Variants in DNAJA4 observed in about 807,000 individuals in gnomAD.
DNAJA4 encodes DnaJ heat shock protein family (Hsp40) member A4.
In DNAJA4, 32 loss-of-function variants were observed where a neutral mutation model predicts 39.7. The observed-to-expected ratio is 0.81, with a 90% CI of 0.61 to 1.08. DNAJA4 has a LOEUF of 1.08. DNAJA4 is among the 50% of genes least tolerant of loss of function. The pLI is 0.00. For missense variants in DNAJA4, 439 were observed against 505.1 expected, an observed-to-expected ratio of 0.87 and a Z score of 1.25; for synonymous variants, 184 against 182.4, an observed-to-expected ratio of 1.01 and a Z score of -0.07.
At position 78,269,759 on chromosome 15, in the gene DNAJA4, G is replaced by GT. The variant is rs1408771384; in HGVS notation, c.133-731dup. Among the ~76,000 whole-genome samples the GT allele has an allele frequency of 1.2e-4, 18 of 150,562 alleles. No individual in the cohort carries two copies. In the East Asian group the frequency reaches 3.3e-3, roughly 28 times the overall value. On this transcript the variant is annotated intron_variant, in intron 1 of 6. Coordinates refer to ENST00000394852, the MANE Select transcript of DNAJA4 (RefSeq NM_001130182.2). ...TGATCCAGGATCACACATTGTATTC[G>GT]TTTTTTTCTATCTTTTAATTTTAGA...
In DNAJA4 at chr15:78,273,173, A is replaced by G; in HGVS notation, c.392A>G (p.Lys131Arg). The G allele has an allele frequency of 1.2e-6, 2 of 1,601,154 alleles. No homozygotes were observed. Among genetic ancestry groups the G allele is most frequent in the Non-Finnish European group, 1.7e-6 (2 of 1,167,984 alleles). Residue 131 changes from lysine to arginine, a missense_variant, in exon 3 of 7, where the codon AAA becomes AGA. Coordinates refer to ENST00000394852, the MANE Select transcript of DNAJA4 (RefSeq NM_001130182.2). ...NGVTKKLALQ[K>R]NVICEKCEGV... ...GTCACGAAGAAATTGGCCCTCCAGA[A>G]AAATGTAATTTGTGAGAAATGTGAA...
rs567801455 is a variant in DNAJA4, at chr15:78,264,586, G to A, written c.-178G>A. 6 of 1,187,918 alleles carry A rather than the reference G, an allele frequency of 5.1e-6. No individual in the cohort carries two copies. The highest frequency in any genetic ancestry group is 4.8e-5 in the African/African-American group (3 of 62,608). The allele number at this position is 1,187,918 out of a possible 1,614,324, so 73.6% of individuals were successfully genotyped here. On this transcript the variant is annotated 5_prime_UTR_variant, in exon 1 of 7. Transcript: ENST00000394852. ...TAGTGCGGTGGAGCCAGGCGTGGAA[G>A]TCGGTCCGGCGCGGGGCGGGGGGCG...
chr15:78,266,005 T>G (rs1419844702), intron 1 of DNAJA4: 4 of 589,418 alleles, frequency 6.8e-6, no homozygotes, highest in Non-Finnish European at 1.2e-5. Flanking sequence ...ATGTGCTGAA[T>G]GTGGCTGTCA....
At chr15:78,272,700 T>C (rs1413349634) in intron 2 of DNAJA4, among the ~76,000 whole-genome samples, 1 of 152,252 alleles carries the variant, frequency 6.6e-6, no homozygotes, top group Non-Finnish European at 1.5e-5. Flanking sequence ...CCAGAGACTT[T>C]GGCTGCCAAA....
intron 1 of DNAJA4, among the ~76,000 whole-genome samples, chr15:78,269,769 A>G (rs1040761584): frequency 6.7e-6 from 1 of 148,354 alleles, no homozygotes; most frequent in African/African-American, 2.5e-5. Flanking sequence ...GTTTTTTTCT[A>G]TCTTTTAATT....
chr15:78,270,947 C>T (rs1250587955), intron 2 of DNAJA4, among the ~76,000 whole-genome samples: 1 of 152,116 alleles, frequency 6.6e-6, no homozygotes, highest in Admixed American at 6.5e-5. Context: ...TGCCTGTAGT[C>T]TCCGCTACTT....
chr15:78,279,620 G>A lies in DNAJA4; in HGVS notation c.878-425G>A, dbSNP rs925353506. 1 of 177,040 alleles carries A rather than the reference G, an allele frequency of 5.6e-6. No homozygotes were observed. The highest frequency in any genetic ancestry group is 2.4e-5 in the African/African-American group (1 of 42,200). 11.0% of individuals were successfully genotyped at this position (177,040 alleles called of 1,614,324 possible). A position where few individuals can be genotyped will look rare whatever the true frequency, so the allele number is the denominator to read the frequency against. On this transcript the variant is annotated intron_variant, in intron 5 of 6. Transcript: ENST00000394852. The surrounding 1 kb of genome is among the most constrained non-coding windows in gnomAD (Gnocchi z 4.5). The stretch of plus-strand genomic sequence containing the variant: ...CAGTTTTTATGCCAGGCAGGGGACT[G>A]GTTGGACTCTATTGAGGCTTCTTCC...
chr15:78,280,038 C>G lies in DNAJA4; in HGVS notation c.878-7C>G. On this transcript the variant is annotated splice_region_variant and splice_polypyrimidine_tract_variant and intron_variant, in intron 5 of 6. Transcript: ENST00000394852. ...TCCTCCTTCCTAATTGACCCTTTCT[C>G]TGGCAGGTGAGGTGATAAAGCACGG... 6.2e-7 allele frequency: 1 copy of G among 1,614,012 alleles called. No homozygotes were observed. Among genetic ancestry groups the G allele is most frequent in the Non-Finnish European group, 8.5e-7 (1 of 1,179,922 alleles).
chr15:78,265,028 C>A, intron 1 of DNAJA4, 133 bp downstream of exon 1: 1 of 1,139,550 alleles, frequency 8.8e-7, no homozygotes, highest in Non-Finnish European at 1.2e-6. Context: ...GGGGCCAGGC[C>A]GGGCAGAGGT....
At position 78,273,025 on chromosome 15, in the gene DNAJA4, C is replaced by T. The variant is rs574904995; in HGVS notation, c.314-70C>T. The T allele has an allele frequency of 1.3e-5, 12 of 891,740 alleles. No individual in the cohort carries two copies. The East Asian group carries it at 1.5e-4, about 11-fold the overall frequency. The allele number at this position is 891,740 out of a possible 1,614,324, so 55.2% of individuals were successfully genotyped here. ...CTGGAGACTTCATACAACTAAGGGTCATATGGGTGGTATTTAATACAATGG... is the reference window on the plus strand; with the variant it reads ...CTGGAGACTTCATACAACTAAGGGTTATATGGGTGGTATTTAATACAATGG... On this transcript the variant is annotated intron_variant, in intron 2 of 6. Transcript: ENST00000394852.
upstream of DNAJA4, chr15:78,264,473 A>G (rs1053555360): frequency 6.0e-6 from 8 of 1,323,080 alleles, no homozygotes; most frequent in African/African-American, 1.2e-4. Context: ...ACCTCCGCGA[A>G]GGTTCTAGGC....
At chr15:78,265,655 A>G (rs1266163192) in intron 1 of DNAJA4, 1 of 702,382 alleles carries the variant, frequency 1.4e-6, no homozygotes, top group Non-Finnish European at 2.6e-6. Flanking sequence ...TTTTATCTCT[A>G]AAGAGGCTCA....
intron 2 of DNAJA4, among the ~76,000 whole-genome samples, chr15:78,272,185 A>C (rs547882153): frequency 3.7e-4 from 57 of 152,112 alleles, no homozygotes; most frequent in African/African-American, 1.3e-3. Context: ...AAAATACAAA[A>C]ACTTAGGTGG....
chr15:78,280,164 A>AT lies in DNAJA4; in HGVS notation c.978+21dup, dbSNP rs745622164. 3.1e-6 allele frequency: 5 copies of AT among 1,612,642 alleles called. No individual in the cohort carries two copies. The South Asian group carries it at 4.4e-5, about 14-fold the overall frequency. On this transcript the variant is annotated intron_variant, in intron 6 of 6. Coordinates refer to ENST00000394852, the MANE Select transcript of DNAJA4 (RefSeq NM_001130182.2). ...GTTTTTAGTAAGTTCACTATGTTTC[A>AT]TTGTCATGGACATATTATTAAATGC...
At chr15:78,274,686 GA>G (rs2049398966) in intron 4 of DNAJA4, 1 of 491,696 alleles carries the variant, frequency 2.0e-6, no homozygotes, top group Admixed American at 3.3e-5. Context: ...CTAACGCTCT[GA>G]AAGTCTTACC....
At chr15:78,278,838 T>TTA (rs1440744756) in intron 5 of DNAJA4, among the ~76,000 whole-genome samples, 2 of 146,892 alleles carry the variant, frequency 1.4e-5, no homozygotes, top group East Asian at 3.9e-4. Flanking sequence ...TTTTTTTTTT[T>TTA]TTTTTTTTTT....
intron 1 of DNAJA4, chr15:78,266,164 TGTG>T: frequency 6.6e-7 from 1 of 1,520,134 alleles, no homozygotes; most frequent in South Asian, 1.2e-5. Flanking sequence ...CTACATTCAT[TGTG>T]GTCCGCTTCT....
chr15:78,264,167 C>T (rs2049050103), upstream of DNAJA4: 3 of 508,948 alleles, frequency 5.9e-6, no homozygotes, highest in East Asian at 1.1e-4. Flanking sequence ...CGGCGCAGGG[C>T]TCCGGCCAAC....
chr15:78,270,945 G>A (rs1206391678), intron 2 of DNAJA4, among the ~76,000 whole-genome samples: 1 of 152,090 alleles, frequency 6.6e-6, no homozygotes, highest in Non-Finnish European at 1.5e-5. Context: ...CATGCCTGTA[G>A]TCTCCGCTAC....
Sources: gnomAD v4.1 joint callset for allele counts (sites outside exome capture counted in the v4.1 genomes callset) on GRCh38, gnomAD v4.1.1 for gene constraint, Gnocchi (gnomAD v3.1) non-coding constraint, MANE v1.5 for transcripts, NCBI Gene and HGNC (gene_info 2026-07-23, HGNC 2026-07-21) for gene names.